Variants in CDH4 observed in about 807,000 individuals in gnomAD.
CDH4 encodes cadherin-4.
A neutral mutation model predicts 86.0 loss-of-function variants in CDH4; 33 were observed. The ratio of observed to expected loss-of-function variants is 0.38; its 90% CI spans 0.29 to 0.51. The LOEUF is 0.51. Ranked by LOEUF, CDH4 falls within the 20% of genes least tolerant of loss-of-function variation. The probability of loss-of-function intolerance (pLI) is 0.86; values close to 1 mark genes in which losing one functional copy is unlikely to be tolerated. For synonymous variants in CDH4, 555 were observed against 549.4 expected, an observed-to-expected ratio of 1.01 and a Z score of -0.14; for missense variants, 1,114 against 1,307.4, an observed-to-expected ratio of 0.85 and a Z score of 2.28.
intron 3 of CDH4, among the ~76,000 whole-genome samples, chr20:61,767,870 A>G (rs1600966898): frequency 6.6e-6 from 1 of 152,142 alleles, no homozygotes; most frequent in African/African-American, 2.4e-5. Flanking sequence ...CCTGTCAAGG[A>G]CGGCTCCATG....
In CDH4 at chr20:61,549,914, C is replaced by T. The variant is rs533013585; in HGVS notation, c.170-193649C>T. Among the ~76,000 whole-genome samples, 60 of 152,314 alleles carry T rather than the reference C, an allele frequency of 3.9e-4. 1 individual carries two copies. The highest frequency in any genetic ancestry group is 2.9e-3 in the Admixed American group (44 of 15,306). On this transcript the variant is annotated intron_variant, in intron 2 of 15. Coordinates refer to ENST00000614565, the MANE Select transcript of CDH4 (RefSeq NM_001794.5). ...CTGTGCTTGTGGTCAGCTGCCACCC[C>T]CCTCAGTGAAGGTGCCAGCTGGTCC... is the stretch of plus-strand genomic sequence containing the variant.
At chr20:61,791,583 C>T (rs1215109975) in intron 4 of CDH4, among the ~76,000 whole-genome samples, 1 of 152,150 alleles carries the variant, frequency 6.6e-6, no homozygotes, top group Non-Finnish European at 1.5e-5. Context: ...CTGGTGGAGA[C>T]AGGCGGTAAA....
intron 4 of CDH4, among the ~76,000 whole-genome samples, chr20:61,774,206 C>T (rs2088812335): frequency 6.6e-6 from 1 of 152,260 alleles, no homozygotes; most frequent in African/African-American, 2.4e-5. Context: ...CTGTCAGGGG[C>T]TCAGCTTTCC....
At chr20:61,485,931 T>A (rs2085593904) in intron 2 of CDH4, among the ~76,000 whole-genome samples, 1 of 152,216 alleles carries the variant, frequency 6.6e-6, no homozygotes, top group Admixed American at 6.5e-5. Flanking sequence ...ACGCACCCAC[T>A]AATTACACCA....
rs2054737393 is a variant in CDH4 at position 61,902,489 on chromosome 20, T to A, written c.1188+7442T>A. ...GTGCGGGGCCCCACCTTCCCAGGGA[T>A]TTGCAGGCAAATGAGCGGCCGTTGA... On this transcript the variant is annotated intron_variant, in intron 8 of 15. Transcript: ENST00000614565. This position sits in a 1 kb window ranked among gnomAD's most constrained non-coding sequence, Gnocchi z 4.6. 6.6e-6 allele frequency among the ~76,000 whole-genome samples: 1 copy of A among 152,168 alleles called. No individual in the cohort carries two copies.
At chr20:61,545,705 G>A (rs142953949) in intron 2 of CDH4, among the ~76,000 whole-genome samples, 21 of 152,328 alleles carry the variant, frequency 1.4e-4, no homozygotes, top group Middle Eastern at 3.4e-3. Flanking sequence ...TGGCGCCAGC[G>A]GGCAGGAGGC....
At chr20:61,644,073 G>T (rs973380572) in intron 2 of CDH4, among the ~76,000 whole-genome samples, 1 of 152,174 alleles carries the variant, frequency 6.6e-6, no homozygotes, top group African/African-American at 2.4e-5. Flanking sequence ...GGATAGCAAG[G>T]GTGGGGATTC....
At chr20:61,814,969 T>TA (rs1166787863) in intron 4 of CDH4, among the ~76,000 whole-genome samples, 1 of 152,204 alleles carries the variant, frequency 6.6e-6, no homozygotes, top group Admixed American at 6.5e-5. Context: ...AGTGCCCGTG[T>TA]AAGCATAGGT....
At chr20:61,793,083 C>T (rs1979299104) in intron 4 of CDH4, among the ~76,000 whole-genome samples, 1 of 152,204 alleles carries the variant, frequency 6.6e-6, no homozygotes, top group South Asian at 2.1e-4. Context: ...CTGCCTCAGC[C>T]TCCAGAGTAA....
chr20:61,611,223 G>C (rs1378852779), intron 2 of CDH4, among the ~76,000 whole-genome samples: 1 of 151,992 alleles, frequency 6.6e-6, no homozygotes, highest in Non-Finnish European at 1.5e-5. Context: ...TCCTCTCCCT[G>C]GGGATCAGAG....
In CDH4 at chr20:61,317,761, C is replaced by T. The variant is rs151144144; in HGVS notation, c.169+62824C>T. Among the ~76,000 whole-genome samples the T allele has an allele frequency of 3.8e-3, 576 of 152,286 alleles. 3 individuals carry two copies. The highest frequency in any genetic ancestry group is 0.011 in the African/African-American group (445 of 41,558). The stretch of plus-strand genomic sequence containing the variant: ...CTTTCCACCATGCCCGAGACCCCCA[C>T]GGTTCTAGACAAAGGGCACTTCTGG... On this transcript the variant is annotated intron_variant, in intron 2 of 15. Coordinates refer to ENST00000614565, the MANE Select transcript of CDH4 (RefSeq NM_001794.5).
Position 61,644,055 on chromosome 20 carries a change from A to T in CDH4, c.170-99508A>T, listed in dbSNP as rs562117915. On this transcript the variant is annotated intron_variant, in intron 2 of 15. Coordinates refer to ENST00000614565, the MANE Select transcript of CDH4 (RefSeq NM_001794.5). The stretch of plus-strand genomic sequence containing the variant: ...AGGGGATGGAAAATTACAGACAGGA[A>T]CAGGATTGGATAGCAAGGGTGGGGA... 5.3e-5 allele frequency among the ~76,000 whole-genome samples: 8 copies of T among 152,312 alleles called. No homozygotes were observed. In the South Asian group the frequency reaches 1.7e-3, roughly 32 times the overall value.
chr20:61,706,522 C>G (rs183988804), intron 2 of CDH4, among the ~76,000 whole-genome samples: 3 of 152,234 alleles, frequency 2.0e-5, no homozygotes, highest in Non-Finnish European at 4.4e-5. Context: ...TTAGCTACGA[C>G]GAAGACTCCG....
intron 2 of CDH4, among the ~76,000 whole-genome samples, chr20:61,419,231 G>A (rs758812908): frequency 7.9e-5 from 12 of 152,174 alleles, no homozygotes; most frequent in Non-Finnish European, 1.3e-4. Context: ...AGGTGCAGCT[G>A]AGAGCAGAGG....
chr20:61,858,143 G>GTGTGTC (rs1278882266), intron 6 of CDH4, among the ~76,000 whole-genome samples: 4 of 149,276 alleles, frequency 2.7e-5, no homozygotes, highest in Non-Finnish European at 4.4e-5. Flanking sequence ...GCATCTGTGT[G>GTGTGTC]TGTGTCTGTG....
chr20:61,923,790 A>G (rs781279549), intron 10 of CDH4, 86 bp downstream of exon 10: 11 of 1,505,316 alleles, frequency 7.3e-6, no homozygotes, highest in Non-Finnish European at 9.8e-6. Context: ...TGAAACCCAC[A>G]GCCCAGAATT....
chr20:61,614,366 G>A (rs906278417), intron 2 of CDH4, among the ~76,000 whole-genome samples: 1 of 152,108 alleles, frequency 6.6e-6, no homozygotes, highest in South Asian at 2.1e-4. Flanking sequence ...GGCACCTGGA[G>A]GGCAGGGAAG....
intron 2 of CDH4, among the ~76,000 whole-genome samples, chr20:61,600,250 G>C (rs1023990488): frequency 2.0e-5 from 3 of 152,236 alleles, no homozygotes; most frequent in Non-Finnish European, 2.9e-5. Context: ...GAGGGTGTCG[G>C]GGTCAATGAT....
In CDH4 at chr20:61,684,644, C is replaced by T. The variant is rs988509327; in HGVS notation, c.170-58919C>T. 1.3e-5 allele frequency among the ~76,000 whole-genome samples: 2 copies of T among 152,120 alleles called. No individual in the cohort carries two copies. The highest frequency in any genetic ancestry group is 4.8e-5 in the African/African-American group (2 of 41,400). ...CTGCTCTTTAAAATTTTAGGGCTTT[C>T]TTGGGTAGTTTCATTTTATCTCAAA... On this transcript the variant is annotated intron_variant, in intron 2 of 15. Transcript: ENST00000614565. This position sits in a 1 kb window ranked among gnomAD's most constrained non-coding sequence, Gnocchi z 4.5.
Sources: allele counts gnomAD v4.1 joint callset (sites outside exome capture counted in the v4.1 genomes callset), GRCh38; gene constraint gnomAD v4.1.1; non-coding constraint Gnocchi (gnomAD v3.1); transcripts MANE v1.5; gene names NCBI Gene and HGNC (gene_info 2026-07-23, HGNC 2026-07-21).